PDGFC: variants seen among roughly 807,000 people sequenced by gnomAD.
The protein encoded by PDGFC is platelet derived growth factor C.
Under a neutral mutation model 35.5 loss-of-function variants are expected in PDGFC, and 12 were observed. That is an observed-to-expected ratio of 0.34 (90% CI 0.22 to 0.55). The LOEUF (loss-of-function observed/expected upper bound fraction) is 0.55. Among genes scored for constraint, PDGFC ranks in the 20% least tolerant of loss-of-function variants. PDGFC has a pLI of 0.91. For missense variants in PDGFC, 322 were observed against 412.4 expected (o/e 0.78, Z 1.90); for synonymous variants, 159 against 148.8 (o/e 1.07, Z -0.50).
At chr4:156,936,220 T>C (rs1047028067) in intron 1 of PDGFC, among the ~76,000 whole-genome samples, 2 of 152,194 alleles carry the variant, frequency 1.3e-5, no homozygotes, top group East Asian at 3.9e-4. Context: ...TTTCAAAAAG[T>C]ATCTTTCTTC....
At chr4:156,908,116 A>G (rs1373367371) in intron 1 of PDGFC, among the ~76,000 whole-genome samples, 2 of 152,176 alleles carry the variant, frequency 1.3e-5, no homozygotes, top group Non-Finnish European at 2.9e-5. Context: ...CAGTGAGCCG[A>G]GATCGTGCCA....
At chr4:156,769,495 TAGGAAAGCAC>T (rs1404492289) in intron 4 of PDGFC, among the ~76,000 whole-genome samples, 1 of 151,966 alleles carries the variant, frequency 6.6e-6, no homozygotes, top group East Asian at 1.9e-4. Flanking sequence ...GAGTCAAGTA[TAGGAAAGCAC>T]CAAAGAAATC....
At chr4:156,817,502 G>C (rs1732119855) in intron 2 of PDGFC, among the ~76,000 whole-genome samples, 1 of 152,048 alleles carries the variant, frequency 6.6e-6, no homozygotes, top group Non-Finnish European at 1.5e-5. Flanking sequence ...ATATTTACTG[G>C]AAAAGTAGAA....
chr4:156,828,994 T>C (rs944052611), intron 2 of PDGFC, among the ~76,000 whole-genome samples: 17 of 152,142 alleles, frequency 1.1e-4, no homozygotes, highest in Non-Finnish European at 2.4e-4. Context: ...TTAATGGAAA[T>C]TTAGTGAAGT....
chr4:156,938,056 G>A (rs937644225), intron 1 of PDGFC, among the ~76,000 whole-genome samples: 2 of 152,076 alleles, frequency 1.3e-5, no homozygotes, highest in Non-Finnish European at 2.9e-5. Context: ...TATGCCAAAT[G>A]AGGTGAAACA....
At chr4:156,763,551 A>C (rs1267874779) in intron 5 of PDGFC, among the ~76,000 whole-genome samples, 3 of 152,156 alleles carry the variant, frequency 2.0e-5, no homozygotes, top group Non-Finnish European at 2.9e-5. Flanking sequence ...ACCAATATAA[A>C]ATTCGTTTTT....
chr4:156,782,758 C>T (rs1244477953), intron 3 of PDGFC, among the ~76,000 whole-genome samples: 4 of 152,102 alleles, frequency 2.6e-5, no homozygotes, highest in Admixed American at 6.6e-5. Flanking sequence ...AAAGTTGGTA[C>T]GGTCACCTCA....
chr4:156,832,253 C>CTTTTTTTTTTTTTTTT (rs542396769), intron 2 of PDGFC, among the ~76,000 whole-genome samples: 6 of 121,132 alleles, frequency 5.0e-5, no homozygotes, highest in East Asian at 2.3e-4. Context: ...TTCTTTCTTT[C>CTTTTTTTTTTTTTTTT]TTTTTTTTTT....
chr4:156,918,660 C>T (rs1294012000), intron 1 of PDGFC, among the ~76,000 whole-genome samples: 1 of 152,192 alleles, frequency 6.6e-6, no homozygotes, highest in Non-Finnish European at 1.5e-5. Flanking sequence ...CCTTATGAGA[C>T]TCTAATGCCT....
chr4:156,811,432 C>T (rs969188269), intron 2 of PDGFC, among the ~76,000 whole-genome samples: 3 of 152,028 alleles, frequency 2.0e-5, no homozygotes, highest in Admixed American at 6.6e-5. Flanking sequence ...TGGCCAGGGG[C>T]CTTGGCTCTT....
chr4:156,889,019 G>A (rs1249412556), intron 1 of PDGFC, among the ~76,000 whole-genome samples: 1 of 152,118 alleles, frequency 6.6e-6, no homozygotes, highest in Non-Finnish European at 1.5e-5. Context: ...TCAGAATTCT[G>A]AGACAACAAA....
At chr4:156,817,230 C>G (rs529287566) in intron 2 of PDGFC, among the ~76,000 whole-genome samples, 1 of 151,878 alleles carries the variant, frequency 6.6e-6, no homozygotes, top group African/African-American at 2.4e-5. Context: ...AACAAAATAT[C>G]AGGTGAAAAT....
At chr4:156,819,617 C>T (rs1272111508) in intron 2 of PDGFC, among the ~76,000 whole-genome samples, 1 of 152,170 alleles carries the variant, frequency 6.6e-6, no homozygotes, top group Non-Finnish European at 1.5e-5. Flanking sequence ...TTGCAATCCA[C>T]CTGGTCACCC....
In PDGFC at chr4:156,874,743, G is replaced by C. The variant is rs1330503797; in HGVS notation, c.119-24327C>G. ...TTAATTTTTTTTTTTTAAATACAGG[G>C]TCTCAGTATGTTGCCTAGGTTCGTG... On this transcript the variant is annotated intron_variant, in intron 1 of 5. Transcript: ENST00000502773. 2.4e-4 allele frequency among the ~76,000 whole-genome samples: 36 copies of C among 151,208 alleles called. 1 individual carries two copies.
At chr4:156,779,061 A>G (rs1730910348) in intron 3 of PDGFC, 1 of 445,520 alleles carries the variant, frequency 2.2e-6, no homozygotes, top group Non-Finnish European at 4.5e-6. Flanking sequence ...TGTAATGTCA[A>G]ACTGATATAT....
chr4:156,807,014 G>T (rs1276071108), intron 3 of PDGFC, among the ~76,000 whole-genome samples: 3 of 149,310 alleles, frequency 2.0e-5, no homozygotes, highest in East Asian at 3.9e-4. Flanking sequence ...AATCTACCAG[G>T]TCTTTTTTTT....
At chr4:156,960,305 A>T (rs1451024875) in intron 1 of PDGFC, among the ~76,000 whole-genome samples, 1 of 147,926 alleles carries the variant, frequency 6.8e-6, no homozygotes, top group African/African-American at 2.5e-5. Context: ...CTCTACAACT[A>T]TGCATTTTGT....
chr4:156,953,436 C>T, intron 1 of PDGFC, among the ~76,000 whole-genome samples: 1 of 152,026 alleles, frequency 6.6e-6, no homozygotes, highest in East Asian at 1.9e-4. Context: ...TATTCACATT[C>T]AGCAAATGTG....
chr4:156,767,678 G>A, intron 5 of PDGFC, 95 bp downstream of exon 5: 6 of 757,234 alleles, frequency 7.9e-6, no homozygotes, highest in Admixed American at 4.8e-5. Flanking sequence ...TGAATACTAC[G>A]TCTTTTTTCC....
Sources: gnomAD v4.1 joint callset for allele counts (sites outside exome capture counted in the v4.1 genomes callset) on GRCh38, gnomAD v4.1.1 for gene constraint, MANE v1.5 for transcripts, NCBI Gene and HGNC (gene_info 2026-07-23, HGNC 2026-07-21) for gene names.